The following DCAF6 variants were observed in gnomAD, a reference collection of about 807,000 sequenced individuals.
DCAF6 encodes the protein DDB1- and CUL4-associated factor 6.
A neutral mutation model predicts 125.1 loss-of-function variants in DCAF6; 54 were observed. That is an observed-to-expected ratio of 0.43 (90% CI 0.35 to 0.54). The LOEUF (loss-of-function observed/expected upper bound fraction) is 0.54. DCAF6 is among the 20% of genes least tolerant of loss of function. The pLI, the probability that DCAF6 is intolerant of heterozygous loss-of-function variation, is 0.01. For missense variants in DCAF6, 934 were observed against 1,161.7 expected, an observed-to-expected ratio of 0.80 and a Z score of 2.85; for synonymous variants, 371 against 390.4, an observed-to-expected ratio of 0.95 and a Z score of 0.58.
chr1:167,875,777 C>A, the DCAF6 span, among the ~76,000 whole-genome samples: 1 of 152,010 alleles, frequency 6.6e-6, no homozygotes, highest in Non-Finnish European at 1.5e-5. Context: ...GGTGAAACCC[C>A]GTCTCTACCA....
At chr1:167,945,779 C>T (rs572777342) in intron 1 of DCAF6, among the ~76,000 whole-genome samples, 3 of 150,272 alleles carry the variant, frequency 2.0e-5, no homozygotes, top group East Asian at 1.9e-4. Context: ...GGATTACAGG[C>T]GTGAGCCACC....
chr1:168,049,431 GTTTTTTTTTTTT>G (rs11369573), intron 16 of DCAF6, among the ~76,000 whole-genome samples: 2 of 101,234 alleles, frequency 2.0e-5, no homozygotes, highest in Non-Finnish European at 3.7e-5. Flanking sequence ...TGTTGTTGTT[GTTTTTTTTTTTT>G]TTTTTTTTTA....
rs1557971206 is a variant in DCAF6 at position 168,009,384 on chromosome 1, TTC to T, written c.1378+4592_1378+4593del. On this transcript the variant is annotated intron_variant, in intron 10 of 21. Coordinates refer to ENST00000367840, the MANE Select transcript of DCAF6 (RefSeq NM_001198956.2). ...CTTCCTTCCTTCCTTCCTTCCTTCC[TTC>T]CTTTCTTTCTTTCTTTCTCTCTCTC... Among the ~76,000 whole-genome samples, 162 of 141,604 alleles carry T rather than the reference TTC, an allele frequency of 1.1e-3. 1 individual carries two copies. Among genetic ancestry groups the T allele is most frequent in the African/African-American group, 4.2e-3 (153 of 36,062 alleles). The allele number at this position is 141,604 out of a possible 152,430, so 92.9% of individuals were successfully genotyped here. A position where few individuals can be genotyped will look rare whatever the true frequency, so the allele number is the denominator to read the frequency against.
chr1:167,919,548 T>C, the DCAF6 span, among the ~76,000 whole-genome samples: 1 of 152,234 alleles, frequency 6.6e-6, no homozygotes, highest in Non-Finnish European at 1.5e-5. Flanking sequence ...ACGTATCATT[T>C]CCAATACTAC....
the DCAF6 span, among the ~76,000 whole-genome samples, chr1:167,900,109 C>T: frequency 6.6e-6 from 1 of 152,140 alleles, no homozygotes; most frequent in Non-Finnish European, 1.5e-5. Context: ...TCTCTCATTG[C>T]TTTTAAGTTG....
chr1:167,934,107 A>G (rs762764472), upstream of DCAF6, among the ~76,000 whole-genome samples: 1 of 152,224 alleles, frequency 6.6e-6, no homozygotes, highest in Non-Finnish European at 1.5e-5. Context: ...AACGAATCCA[A>G]GGATTTTCAG....
intron 10 of DCAF6, among the ~76,000 whole-genome samples, chr1:168,014,058 A>G (rs771658102): frequency 9.2e-5 from 14 of 152,034 alleles, no homozygotes; most frequent in Non-Finnish European, 1.8e-4. Flanking sequence ...TTGATTCTTT[A>G]TAACCCTGAC....
At chr1:167,865,140 C>T in the DCAF6 span, among the ~76,000 whole-genome samples, 13 of 152,038 alleles carry the variant, frequency 8.6e-5, no homozygotes, top group African/African-American at 3.1e-4. Context: ...ATTGAAGAAA[C>T]AGTTTATGTG....
intron 10 of DCAF6, among the ~76,000 whole-genome samples, chr1:168,010,148 C>G (rs1269605383): frequency 6.6e-6 from 1 of 152,080 alleles, no homozygotes; most frequent in Non-Finnish European, 1.5e-5. Flanking sequence ...CATTTTGGAT[C>G]CATTGTTTGC....
At chr1:167,905,147 GA>G in the DCAF6 span, 1 of 1,614,178 alleles carries the variant, frequency 6.2e-7, no homozygotes. Flanking sequence ...TCATGTTCAA[GA>G]CAAATGTTCA....
intron 13 of DCAF6, chr1:168,042,697 A>G (rs935715798): frequency 5.6e-6 from 1 of 177,690 alleles, no homozygotes; most frequent in Admixed American, 5.7e-5. Flanking sequence ...ATGGTGAACC[A>G]TCTGTAGTGA....
chr1:168,016,505 G>A (rs1353466771), intron 11 of DCAF6, among the ~76,000 whole-genome samples: 2 of 152,072 alleles, frequency 1.3e-5, no homozygotes, highest in Non-Finnish European at 2.9e-5. Flanking sequence ...ACTTTCTGAT[G>A]TGTAGGGCAG....
intron 11 of DCAF6, 93 bp downstream of exon 11, chr1:168,016,044 A>G: frequency 1.7e-6 from 2 of 1,156,638 alleles, no homozygotes; most frequent in South Asian, 6.3e-5. Flanking sequence ...CCATTCAAAA[A>G]GAGAGCTAAT....
chr1:167,900,500 T>G, the DCAF6 span, among the ~76,000 whole-genome samples: 3 of 152,138 alleles, frequency 2.0e-5, no homozygotes, highest in Non-Finnish European at 4.4e-5. Context: ...TTATAATAAC[T>G]TTGATTTTTT....
chr1:168,072,381 A>G (rs1049378083), intron 21 of DCAF6, among the ~76,000 whole-genome samples: 4 of 149,220 alleles, frequency 2.7e-5, no homozygotes, highest in East Asian at 2.0e-4. Flanking sequence ...GTGTCTTCTC[A>G]TATCTTCCCT....
chr1:167,964,922 CAT>C (rs1676166726), intron 2 of DCAF6, among the ~76,000 whole-genome samples: 1 of 152,188 alleles, frequency 6.6e-6, no homozygotes, highest in South Asian at 2.1e-4. Context: ...TCTCTGCTGA[CAT>C]TGCCCATCTC....
chr1:167,912,388 C>T, the DCAF6 span, among the ~76,000 whole-genome samples: 1 of 152,228 alleles, frequency 6.6e-6, no homozygotes, highest in Non-Finnish European at 1.5e-5. Flanking sequence ...CCTTGCCCCA[C>T]ATGTTCCTGG....
intron 2 of DCAF6, among the ~76,000 whole-genome samples, chr1:167,965,709 C>T (rs187496966): frequency 4.6e-5 from 7 of 152,200 alleles, no homozygotes; most frequent in South Asian, 2.1e-4. Context: ...TCACTGAAAC[C>T]TCCACCTCTT....
intron 3 of DCAF6, among the ~76,000 whole-genome samples, chr1:167,974,532 T>C (rs1183244227): frequency 6.6e-6 from 1 of 152,210 alleles, no homozygotes; most frequent in Non-Finnish European, 1.5e-5. Context: ...TAGTTCGTTG[T>C]TATTTATTGA....
Sources: allele counts gnomAD v4.1 joint callset (sites outside exome capture counted in the v4.1 genomes callset), GRCh38; gene constraint gnomAD v4.1.1; transcripts MANE v1.5; gene names NCBI Gene and HGNC (gene_info 2026-07-23, HGNC 2026-07-21).